The following AGPAT5 variants were observed in gnomAD, a reference collection of about 807,000 sequenced individuals.
The protein encoded by AGPAT5 is 1-acylglycerol-3-phosphate O-acyltransferase 5.
In AGPAT5, 46 loss-of-function variants were observed where a neutral mutation model predicts 45.6. The observed-to-expected ratio is 1.01, with a 90% CI of 0.80 to 1.29. The LOEUF is 1.29. Ranked by LOEUF, AGPAT5 falls within the 50% of genes most tolerant of loss-of-function variation. The pLI is 0.00. For synonymous variants in AGPAT5, 272 were observed against 167.0 expected, an observed-to-expected ratio of 1.63 and a Z score of -4.85; for missense variants, 673 against 450.7, an observed-to-expected ratio of 1.49 and a Z score of -4.47.
Position 6,761,349 on chromosome 8 carries a change from G to C in AGPAT5, c.*3961G>C, listed in dbSNP as rs1435251225. ...AATGTTCATGTCTTTTTTTAAAAAA[G>C]GTGCTATTGAAATTCTGTGTCTCCA... On this transcript the variant is annotated 3_prime_UTR_variant, in exon 8 of 8. Transcript: ENST00000285518. Among the ~76,000 whole-genome samples, 3 of 151,736 alleles carry C rather than the reference G, an allele frequency of 2.0e-5. No homozygotes were observed. The highest frequency in any genetic ancestry group is 1.5e-5 in the Non-Finnish European group (1 of 67,994).
intron 1 of AGPAT5, among the ~76,000 whole-genome samples, chr8:6,724,134 C>A (rs1351852226): frequency 6.6e-6 from 1 of 152,146 alleles, no homozygotes; most frequent in Non-Finnish European, 1.5e-5. Context: ...GCCTACCGCC[C>A]AGTTTAAAAA....
chr8:6,714,045 G>A (rs1392819306), intron 1 of AGPAT5, among the ~76,000 whole-genome samples: 1 of 152,196 alleles, frequency 6.6e-6, no homozygotes, highest in African/African-American at 2.4e-5. Flanking sequence ...AATTGGAGAA[G>A]GGAGCTTATA....
chr8:6,720,234 T>C (rs1800456685), intron 1 of AGPAT5, among the ~76,000 whole-genome samples: 1 of 140,914 alleles, frequency 7.1e-6, no homozygotes. Flanking sequence ...TGGAACATTC[T>C]GGACACAATT....
At position 6,709,012 on chromosome 8, in the gene AGPAT5, G is replaced by A. The variant is rs565304170; in HGVS notation, c.219+125G>A. 43 of 908,050 alleles carry A rather than the reference G, an allele frequency of 4.7e-5. 1 individual carries two copies. In the East Asian group the frequency reaches 1.1e-3, roughly 23 times the overall value. 56.2% of individuals were successfully genotyped at this position (908,050 alleles called of 1,614,324 possible). A position where few individuals can be genotyped will look rare whatever the true frequency, so the allele number is the denominator to read the frequency against. ...CCGGCGGACCCAGCACGGAGAGCAC[G>A]TGCCGCCTCCCCGCCTTCCTCTCCG... On this transcript the variant is annotated intron_variant, in intron 1 of 7. Coordinates refer to ENST00000285518, the MANE Select transcript of AGPAT5 (RefSeq NM_018361.5).
Position 6,757,396 on chromosome 8 carries a change from G to A in AGPAT5, c.*8G>A, listed in dbSNP as rs767278471. 6.2e-7 allele frequency: 1 copy of A among 1,608,688 alleles called. No individual in the cohort carries two copies. The highest frequency in any genetic ancestry group is 8.5e-7 in the Non-Finnish European group (1 of 1,175,080). Reference sequence around the variant, plus strand: ...GTTACTATTAAAGCATAGACAAGTAGCTGTCTCCAGACAGTGGGATGTGCT... The same window carrying A: ...GTTACTATTAAAGCATAGACAAGTAACTGTCTCCAGACAGTGGGATGTGCT... On this transcript the variant is annotated 3_prime_UTR_variant, in exon 8 of 8. Transcript: ENST00000285518.
rs1238035929 is a variant in AGPAT5 at position 6,730,318 on chromosome 8, C to CTTTTTTT, written c.290-369_290-363dup. ...AATTTTAAACATCCTAATCATAGGA[C>CTTTTTTT]TTTTTTTTTTTTTTTTTTTTTTTTT... On this transcript the variant is annotated intron_variant, in intron 2 of 7. Coordinates refer to ENST00000285518, the MANE Select transcript of AGPAT5 (RefSeq NM_018361.5). 1.4e-4 allele frequency among the ~76,000 whole-genome samples: 4 copies of CTTTTTTT among 29,508 alleles called. 1 individual carries two copies. The highest frequency in any genetic ancestry group is 2.1e-4 in the Non-Finnish European group (4 of 19,200). 19.4% of individuals were successfully genotyped at this position (29,508 alleles called of 152,430 possible).
chr8:6,751,746 G>T (rs1801662068), intron 6 of AGPAT5, among the ~76,000 whole-genome samples: 1 of 152,022 alleles, frequency 6.6e-6, no homozygotes, highest in African/African-American at 2.4e-5. Context: ...AGTGGCTGTT[G>T]TAATGTAATA....
chr8:6,729,962 C>G (rs987884766), intron 2 of AGPAT5, among the ~76,000 whole-genome samples: 1 of 152,062 alleles, frequency 6.6e-6, no homozygotes, highest in Non-Finnish European at 1.5e-5. Context: ...AACCTAGTAC[C>G]GAGTCCTAAA....
chr8:6,728,274 T>C lies in AGPAT5; in HGVS notation c.290-2437T>C, dbSNP rs1393235652. ...AGTTAAATTATGCCAGAACACAAAA[T>C]ATGAAGTTATTGTCAAAGTAATATA... On this transcript the variant is annotated intron_variant, in intron 2 of 7. Coordinates refer to ENST00000285518, the MANE Select transcript of AGPAT5 (RefSeq NM_018361.5). 3.3e-5 allele frequency among the ~76,000 whole-genome samples: 5 copies of C among 152,296 alleles called. No homozygotes were observed. The East Asian group carries it at 9.6e-4, about 29-fold the overall frequency.
chr8:6,727,857 T>C (rs1800738975), intron 2 of AGPAT5, among the ~76,000 whole-genome samples: 1 of 152,214 alleles, frequency 6.6e-6, no homozygotes, highest in African/African-American at 2.4e-5. Context: ...ATAGGCTGTG[T>C]GTCAGTGGGC....
intron 4 of AGPAT5, among the ~76,000 whole-genome samples, chr8:6,735,342 T>C (rs577939487): frequency 4.0e-4 from 61 of 152,254 alleles, no homozygotes; most frequent in African/African-American, 1.4e-3. Context: ...CTACATCCAG[T>C]CTTCCCTGAC....
intron 4 of AGPAT5, among the ~76,000 whole-genome samples, chr8:6,734,753 C>T (rs1218213796): frequency 6.6e-6 from 1 of 151,930 alleles, no homozygotes; most frequent in African/African-American, 2.4e-5. Flanking sequence ...ACTTGTCTTT[C>T]TGCTTGGCCT....
intron 6 of AGPAT5, among the ~76,000 whole-genome samples, chr8:6,748,836 C>T (rs191190775): frequency 6.6e-6 from 1 of 152,272 alleles, no homozygotes; most frequent in African/African-American, 2.4e-5. Flanking sequence ...GTGCTTGTAT[C>T]AGTAGGATCT....
intron 4 of AGPAT5, among the ~76,000 whole-genome samples, chr8:6,733,199 C>A (rs1415096076): frequency 6.6e-6 from 1 of 152,182 alleles, no homozygotes; most frequent in Non-Finnish European, 1.5e-5. Context: ...AAGGCTTTTC[C>A]CCTGGTTCCC....
intron 6 of AGPAT5, among the ~76,000 whole-genome samples, chr8:6,749,844 C>G (rs1801601120): frequency 6.6e-6 from 1 of 152,222 alleles, no homozygotes; most frequent in African/African-American, 2.4e-5. Flanking sequence ...CCCCTCCTGT[C>G]TAAGAACCCC....
intron 2 of AGPAT5, among the ~76,000 whole-genome samples, chr8:6,726,513 T>G (rs1800691978): frequency 6.6e-6 from 1 of 152,224 alleles, no homozygotes; most frequent in Non-Finnish European, 1.5e-5. Flanking sequence ...TGAACATTTC[T>G]GGAAGTGTTG....
intron 1 of AGPAT5, among the ~76,000 whole-genome samples, chr8:6,720,796 T>C (rs1161979629): frequency 2.0e-5 from 3 of 152,146 alleles, no homozygotes; most frequent in Admixed American, 2.0e-4. Flanking sequence ...CCTTGTTGTT[T>C]CTTGCAGTGC....
At chr8:6,719,157 A>C (rs544096919) in intron 1 of AGPAT5, among the ~76,000 whole-genome samples, 1 of 152,256 alleles carries the variant, frequency 6.6e-6, no homozygotes, top group South Asian at 2.1e-4. Flanking sequence ...GCATGTAAAC[A>C]TTTGTGGAAA....
chr8:6,747,415 C>A (rs1801510994), intron 5 of AGPAT5, among the ~76,000 whole-genome samples: 1 of 152,208 alleles, frequency 6.6e-6, no homozygotes. Context: ...AGCGTTTCCG[C>A]TAGGCCATAA....
Sources: allele counts gnomAD v4.1 joint callset (sites outside exome capture counted in the v4.1 genomes callset), GRCh38; gene constraint gnomAD v4.1.1; transcripts MANE v1.5; gene names NCBI Gene and HGNC (gene_info 2026-07-23, HGNC 2026-07-21).